BMP5: variants seen among roughly 807,000 people sequenced by gnomAD.
The protein encoded by BMP5 is bone morphogenetic protein 5.
BMP5 carries 23 observed loss-of-function variants against 46.6 expected under a neutral mutation model. The observed-to-expected ratio is 0.49, with a 90% CI of 0.35 to 0.70. The LOEUF is 0.70. Ranked by LOEUF, BMP5 falls within the 30% of genes least tolerant of loss-of-function variation. The pLI is 0.00. For synonymous variants in BMP5, 204 were observed against 191.9 expected, an observed-to-expected ratio of 1.06 and a Z score of -0.52; for missense variants, 545 against 565.6, an observed-to-expected ratio of 0.96 and a Z score of 0.37.
chr6:55,871,960 G>A (rs1777797803), intron 1 of BMP5, among the ~76,000 whole-genome samples: 1 of 151,538 alleles, frequency 6.6e-6, no homozygotes, highest in East Asian at 1.9e-4. Context: ...ATCCTTTTTA[G>A]TCTTATAAGA....
chr6:55,797,591 G>T (rs1232007490), intron 2 of BMP5, among the ~76,000 whole-genome samples: 1 of 150,922 alleles, frequency 6.6e-6, no homozygotes, highest in Non-Finnish European at 1.5e-5. Context: ...ATTTCAGAAT[G>T]GTGTTTGTGA....
At chr6:55,770,748 A>G (rs1043666198) in intron 4 of BMP5, among the ~76,000 whole-genome samples, 4 of 151,850 alleles carry the variant, frequency 2.6e-5, no homozygotes, top group African/African-American at 9.7e-5. Context: ...CTTTCATTTG[A>G]ACACTTTTAG....
At chr6:55,840,476 T>C (rs568749156) in intron 1 of BMP5, among the ~76,000 whole-genome samples, 71 of 152,292 alleles carry the variant, frequency 4.7e-4, no homozygotes, top group Non-Finnish European at 7.8e-4. Context: ...TACTTTCCAA[T>C]ATAATGTTAA....
intron 2 of BMP5, among the ~76,000 whole-genome samples, chr6:55,803,967 C>A (rs1277909743): frequency 6.6e-6 from 1 of 152,184 alleles, no homozygotes; most frequent in Non-Finnish European, 1.5e-5. Flanking sequence ...GATAGAGAAG[C>A]AACAGCCTTA....
intron 1 of BMP5, among the ~76,000 whole-genome samples, chr6:55,850,212 T>G (rs531973864): frequency 6.6e-6 from 1 of 152,116 alleles, no homozygotes; most frequent in Non-Finnish European, 1.5e-5. Flanking sequence ...AGTATTTATA[T>G]TGTAATTTTG....
At chr6:55,791,445 C>A (rs1385121622) in intron 3 of BMP5, among the ~76,000 whole-genome samples, 1 of 152,110 alleles carries the variant, frequency 6.6e-6, no homozygotes, top group Admixed American at 6.6e-5. Flanking sequence ...CAACAAAAGG[C>A]TGTATATTTC....
chr6:55,803,581 C>T (rs1243370037), intron 2 of BMP5, among the ~76,000 whole-genome samples: 1 of 152,174 alleles, frequency 6.6e-6, no homozygotes, highest in Non-Finnish European at 1.5e-5. Context: ...CTGCTGCTCG[C>T]ATACATTGTC....
chr6:55,784,801 T>C (rs1397592712), intron 3 of BMP5, among the ~76,000 whole-genome samples: 3 of 151,898 alleles, frequency 2.0e-5, no homozygotes, highest in Non-Finnish European at 4.4e-5. Context: ...TCATTTTTAA[T>C]GGCATTGTTT....
intron 3 of BMP5, among the ~76,000 whole-genome samples, chr6:55,785,261 A>C (rs1775420307): frequency 6.6e-6 from 1 of 151,714 alleles, no homozygotes; most frequent in African/African-American, 2.4e-5. Flanking sequence ...TATAGACAGA[A>C]AATAAGTTGA....
chr6:55,812,089 C>T (rs945171101), intron 2 of BMP5, among the ~76,000 whole-genome samples: 24 of 152,244 alleles, frequency 1.6e-4, no homozygotes, highest in Admixed American at 1.1e-3. Flanking sequence ...ATGTGGAAAC[C>T]TCCTTTCCCA....
chr6:55,782,915 A>C (rs1221513849), intron 3 of BMP5, among the ~76,000 whole-genome samples: 3 of 152,122 alleles, frequency 2.0e-5, no homozygotes, highest in Non-Finnish European at 2.9e-5. Flanking sequence ...GCCTTGTCAC[A>C]CTACTAAAGT....
chr6:55,868,266 T>A (rs1368621434), intron 1 of BMP5, among the ~76,000 whole-genome samples: 1 of 152,156 alleles, frequency 6.6e-6, no homozygotes, highest in African/African-American at 2.4e-5. Context: ...GAAACCTGTT[T>A]AACAAGAACA....
chr6:55,791,058 T>C (rs1425509558), intron 3 of BMP5, among the ~76,000 whole-genome samples: 1 of 152,220 alleles, frequency 6.6e-6, no homozygotes, highest in East Asian at 1.9e-4. Flanking sequence ...TTTCCTATCA[T>C]CCTTTCATGA....
intron 1 of BMP5, among the ~76,000 whole-genome samples, chr6:55,839,265 AG>A (rs1776893866): frequency 6.6e-6 from 1 of 151,494 alleles, no homozygotes. Flanking sequence ...TTATTTATTT[AG>A]GGGTTTTATT....
intron 1 of BMP5, among the ~76,000 whole-genome samples, chr6:55,866,070 C>A (rs72870611): frequency 0.019 from 2,823 of 152,204 alleles, 36 homozygotes; most frequent in Non-Finnish European, 0.03. Flanking sequence ...ATAAATAAGT[C>A]TTTTGTGTGT....
intron 1 of BMP5, among the ~76,000 whole-genome samples, chr6:55,867,404 CA>C (rs1777673407): frequency 6.6e-6 from 1 of 152,148 alleles, no homozygotes; most frequent in African/African-American, 2.4e-5. Context: ...CAAAACAAAA[CA>C]AAACCTCTGC....
chr6:55,862,014 A>G (rs888136260), intron 1 of BMP5, among the ~76,000 whole-genome samples: 2 of 152,208 alleles, frequency 1.3e-5, no homozygotes, highest in Non-Finnish European at 2.9e-5. Context: ...TAGCACTTGA[A>G]ATGCTATTTG....
At chr6:55,872,773 T>C (rs1294130074) in intron 1 of BMP5, among the ~76,000 whole-genome samples, 1 of 151,804 alleles carries the variant, frequency 6.6e-6, no homozygotes. Flanking sequence ...TTCTCAATGG[T>C]TTATGAATAT....
chr6:55,834,692 C>G (rs931709684), intron 1 of BMP5, among the ~76,000 whole-genome samples: 1 of 152,070 alleles, frequency 6.6e-6, no homozygotes, highest in Non-Finnish European at 1.5e-5. Flanking sequence ...TTTACAAACC[C>G]TCATTGACTT....
Sources: gnomAD v4.1 joint callset for allele counts (sites outside exome capture counted in the v4.1 genomes callset) on GRCh38, gnomAD v4.1.1 for gene constraint, MANE v1.5 for transcripts, NCBI Gene and HGNC (gene_info 2026-07-23, HGNC 2026-07-21) for gene names.